NEDD9: variants seen among roughly 807,000 people sequenced by gnomAD.
NEDD9 encodes the protein enhancer of filamentation 1.
In NEDD9, 26 loss-of-function variants were observed where a neutral mutation model predicts 76.6. The ratio of observed to expected loss-of-function variants is 0.34; its 90% confidence interval spans 0.25 to 0.47. NEDD9 has a LOEUF of 0.47. NEDD9 is among the 20% of genes least tolerant of loss of function. The pLI is 1.00. For missense variants in NEDD9, 937 were observed against 1,058.5 expected (o/e 0.89, Z 1.59); for synonymous variants, 392 against 414.2 (o/e 0.95, Z 0.65).
At position 11,285,125 on chromosome 6, in the gene NEDD9, G is replaced by A. The variant is rs79717712; in HGVS notation, c.12+20867C>T. Reference sequence around the variant, plus strand: ...GTGACTTTAGGAAATAGGTGCTATCGTTTGCTTTTTATAGTCCCTGCATTG... The same window carrying A: ...GTGACTTTAGGAAATAGGTGCTATCATTTGCTTTTTATAGTCCCTGCATTG... On this transcript the variant is annotated intron_variant, in intron 3 of 3. Coordinates refer to the NEDD9 transcript ENST00000397378. 4.6e-3 allele frequency among the ~76,000 whole-genome samples: 706 copies of A among 152,206 alleles called. 14 individuals are homozygous for A. In the East Asian group the frequency reaches 0.099, roughly 21 times the overall value.
intron 1 of NEDD9, among the ~76,000 whole-genome samples, chr6:11,362,286 A>G (rs1441658507): frequency 1.3e-5 from 2 of 152,238 alleles, no homozygotes; most frequent in Non-Finnish European, 2.9e-5. Context: ...CCAGAACTGT[A>G]AGAAATAAAC....
chr6:11,196,416 G>A (rs1314051670), intron 2 of NEDD9, among the ~76,000 whole-genome samples: 1 of 152,174 alleles, frequency 6.6e-6, no homozygotes, highest in Non-Finnish European at 1.5e-5. Context: ...CACATAGCAC[G>A]ACCTCAGAAA....
chr6:11,357,987 C>T (rs1455858407), intron 1 of NEDD9, among the ~76,000 whole-genome samples: 2 of 152,114 alleles, frequency 1.3e-5, no homozygotes, highest in Non-Finnish European at 1.5e-5. Context: ...TGGTGGCTCA[C>T]GCCTGTAATC....
chr6:11,344,076 C>G lies in NEDD9; in HGVS notation c.-213-9515G>C, dbSNP rs1762321484. 4.6e-5 allele frequency among the ~76,000 whole-genome samples: 7 copies of G among 152,332 alleles called. No homozygotes were observed. In the South Asian group the frequency reaches 1.4e-3, roughly 32 times the overall value. On this transcript the variant is annotated intron_variant, in intron 1 of 3. Transcript: ENST00000397378. ...GAGTAGGCTGCTATCTATCACCAAGCAATCTACTACATCCTGGCCTCTTTT... is the reference window on the plus strand; with the variant it reads ...GAGTAGGCTGCTATCTATCACCAAGGAATCTACTACATCCTGGCCTCTTTT...
chr6:11,331,146 T>G (rs915155363), intron 2 of NEDD9, among the ~76,000 whole-genome samples: 2 of 152,148 alleles, frequency 1.3e-5, no homozygotes, highest in African/African-American at 4.8e-5. Flanking sequence ...GAGCTTCTGG[T>G]AGTATCGGCT....
intron 1 of NEDD9, among the ~76,000 whole-genome samples, chr6:11,379,990 G>A (rs997020711): frequency 2.0e-5 from 3 of 152,230 alleles, no homozygotes; most frequent in African/African-American, 7.2e-5. Context: ...ATTTGCAGTA[G>A]GACGCATCTT....
chr6:11,346,476 G>GC (rs1762365701), intron 1 of NEDD9, among the ~76,000 whole-genome samples: 2 of 102,362 alleles, frequency 2.0e-5, no homozygotes, highest in African/African-American at 6.1e-5. Context: ...AAGGCTCGGA[G>GC]GCCCCCCCCC....
intron 2 of NEDD9, among the ~76,000 whole-genome samples, chr6:11,322,250 G>A (rs147954882): frequency 2.0e-3 from 302 of 152,186 alleles, no homozygotes; most frequent in African/African-American, 6.7e-3. Flanking sequence ...CCTAGATGAC[G>A]GGTTGATAGG....
At position 11,361,537 on chromosome 6, in the gene NEDD9, C is replaced by A. The variant is rs557919912; in HGVS notation, c.-214+20602G>T. On this transcript the variant is annotated intron_variant, in intron 1 of 3. Coordinates refer to the NEDD9 transcript ENST00000397378. Reference sequence around the variant, plus strand: ...AGACCTCACTATCACAAATACAGCACCAAGCCATGAGGGATGCACCACCAT... The same window carrying A: ...AGACCTCACTATCACAAATACAGCAACAAGCCATGAGGGATGCACCACCAT... Among the ~76,000 whole-genome samples, 23 of 152,172 alleles carry A rather than the reference C, an allele frequency of 1.5e-4. No homozygotes were observed. In the South Asian group the frequency reaches 4.6e-3, roughly 30 times the overall value.
rs1225621714 is a variant in NEDD9, at chr6:11,213,055, G to C, written c.459+226C>G. 6.6e-6 allele frequency among the ~76,000 whole-genome samples: 1 copy of C among 152,214 alleles called. No homozygotes were observed. The highest frequency in any genetic ancestry group is 2.1e-4 in the South Asian group (1 of 4,832). On this transcript the variant is annotated intron_variant, in intron 2 of 6. Transcript: ENST00000379446. The surrounding 1 kb of genome is among the most constrained non-coding windows in gnomAD (Gnocchi z 5.4). ...TAACCCAGGATGACACAGGAACTTA[G>C]GAGGGCTGGAAATCAACTGTACTCA...
chr6:11,308,239 T>C (rs73721558), intron 2 of NEDD9, among the ~76,000 whole-genome samples: 1,937 of 151,570 alleles, frequency 0.013, 49 homozygotes, highest in African/African-American at 0.044. Flanking sequence ...GGTCTAGGGG[T>C]GGCTTCTTCC....
At chr6:11,348,865 C>A (rs551576871) in intron 1 of NEDD9, among the ~76,000 whole-genome samples, 2 of 152,224 alleles carry the variant, frequency 1.3e-5, no homozygotes, top group East Asian at 3.9e-4. Context: ...TAGGAACTGG[C>A]AAAGATTTCA....
In NEDD9 at chr6:11,232,535, G is replaced by A; in HGVS notation, c.-20C>T. ...CTTCATTTCGGCAGCGGTGGGTTGA[G>A]CCGTTTTCCTACACTAGTTAAGACA... On this transcript the variant is annotated 5_prime_UTR_variant, in exon 1 of 7. Coordinates refer to ENST00000379446, the MANE Select transcript of NEDD9 (RefSeq NM_006403.4). 1 of 1,614,196 alleles carries A rather than the reference G, an allele frequency of 6.2e-7. No individual in the cohort carries two copies. The highest frequency in any genetic ancestry group is 1.1e-5 in the South Asian group (1 of 91,086).
intron 4 of NEDD9, among the ~76,000 whole-genome samples, chr6:11,191,876 G>A (rs2113720524): frequency 6.6e-6 from 1 of 152,284 alleles, no homozygotes; most frequent in Non-Finnish European, 1.5e-5. Context: ...ATGGTGGCGT[G>A]CACCTGTGGT....
intron 2 of NEDD9, among the ~76,000 whole-genome samples, chr6:11,318,248 G>A (rs145781669): frequency 6.6e-5 from 10 of 152,272 alleles, no homozygotes; most frequent in Non-Finnish European, 1.0e-4. Context: ...CATGAGCCAA[G>A]TTCTTACAAG....
chr6:11,232,112 T>G, intron 1 of NEDD9, among the ~76,000 whole-genome samples: 1 of 152,116 alleles, frequency 6.6e-6, no homozygotes, highest in East Asian at 1.9e-4. Context: ...GCAGTCCTCA[T>G]TCCTCTCATT....
intron 3 of NEDD9, among the ~76,000 whole-genome samples, chr6:11,282,310 C>A (rs968164438): frequency 6.6e-6 from 1 of 152,234 alleles, no homozygotes; most frequent in Admixed American, 6.5e-5. Context: ...ACTCCTCCGA[C>A]AACCCTGGCT....
At chr6:11,189,841 A>G (rs1014679538) in intron 5 of NEDD9, 123 bp downstream of exon 5, 10 of 1,251,132 alleles carry the variant, frequency 8.0e-6, no homozygotes, top group African/African-American at 6.0e-5. Context: ...TTTGTGAACC[A>G]TGTAGATTAA....
chr6:11,228,250 G>T (rs986552503), intron 1 of NEDD9, among the ~76,000 whole-genome samples: 1 of 152,170 alleles, frequency 6.6e-6, no homozygotes, highest in African/African-American at 2.4e-5. Context: ...TTGCAAAAAG[G>T]CCGGGTGCGG....
Sources: gnomAD v4.1 joint callset for allele counts (sites outside exome capture counted in the v4.1 genomes callset) on GRCh38, gnomAD v4.1.1 for gene constraint, Gnocchi (gnomAD v3.1) non-coding constraint, MANE v1.5 for transcripts, NCBI Gene and HGNC (gene_info 2026-07-23, HGNC 2026-07-21) for gene names.